The following MYO9B variants were observed in gnomAD, a reference collection of about 807,000 sequenced individuals.
MYO9B encodes myosin IXB.
A neutral mutation model predicts 229.5 loss-of-function variants in MYO9B; 71 were observed. That is an observed-to-expected ratio of 0.31 (90% CI 0.26 to 0.38). The LOEUF (loss-of-function observed/expected upper bound fraction) is 0.38. MYO9B is among the 10% of genes least tolerant of loss of function. The probability of loss-of-function intolerance (pLI) is 1.00; values close to 1 mark genes in which losing one functional copy is unlikely to be tolerated. For missense variants in MYO9B, 2,255 were observed against 2,920.5 expected (o/e 0.77, Z 5.25); for synonymous variants, 1,185 against 1,235.8 (o/e 0.96, Z 0.86).
chr19:17,157,245 G>T (rs1176608404), intron 7 of MYO9B: 2 of 558,874 alleles, frequency 3.6e-6, no homozygotes, highest in East Asian at 7.0e-5. Context: ...CCACCCTCAA[G>T]TGAAAGCCTC....
At chr19:17,103,437 T>G (rs1036375051) in intron 2 of MYO9B, 3 of 152,240 alleles carry the variant, frequency 2.0e-5, no homozygotes, top group African/African-American at 7.2e-5. Context: ...AACTTTATTG[T>G]GATTTTCATG....
At chr19:17,203,612 C>CAA (rs5827362) in intron 30 of MYO9B, among the ~76,000 whole-genome samples, 2 of 119,488 alleles carry the variant, frequency 1.7e-5, no homozygotes, top group African/African-American at 6.3e-5. Flanking sequence ...GACTCTGTCT[C>CAA]AAAAAAAAAA....
intron 2 of MYO9B, among the ~76,000 whole-genome samples, chr19:17,117,888 A>G (rs559193539): frequency 6.7e-6 from 1 of 149,620 alleles, no homozygotes; most frequent in East Asian, 2.0e-4. Context: ...CAGTGAGCCA[A>G]GATCATGCCA....
In MYO9B at chr19:17,102,342, G is replaced by A. The variant is rs750895121; in HGVS notation, c.625G>A (p.Gly209Ser). 4 of 1,613,912 alleles carry A rather than the reference G, an allele frequency of 2.5e-6. No individual in the cohort carries two copies. The East Asian group carries it at 8.9e-5, about 36-fold the overall frequency. The change falls in exon 2 of 40, where the codon GGC becomes AGC. Residue 209 changes from glycine (G) to serine (S), a missense_variant. By Grantham distance (56) the Gly-to-Ser change is moderately conservative. This residue lies in a region of MYO9B where 386 missense variants were observed against 515.2 expected (regional missense o/e 0.75). Coordinates refer to ENST00000682292, the MANE Select transcript of MYO9B (RefSeq NM_004145.4). The stretch of plus-strand genomic sequence containing the variant: ...GAAGATGTATGAGAACCAGCAGCTG[G>A]GCAAGCTGGAGCCACACGTCTTCGC... The part of the protein sequence containing the change: ...YVKMYENQQL[G>S]KLEPHVFALA...
Position 17,172,931 on chromosome 19 carries a change from G to A in MYO9B, c.2108G>A (p.Arg703His), listed in dbSNP as rs1237927711. The A allele has an allele frequency of 5.0e-6, 8 of 1,598,860 alleles. No homozygotes were observed. Among genetic ancestry groups the A allele is most frequent in the South Asian group, 3.3e-5 (3 of 91,052 alleles). ...ATGGCAGTGCTTCGGGAGGCCGGACGCCTGCGGGCCGAGAGGGCCGAAAAG... is the reference window on the plus strand; with the variant it reads ...ATGGCAGTGCTTCGGGAGGCCGGACACCTGCGGGCCGAGAGGGCCGAAAAG... ...RAMAVLREAG[R>H]LRAERAEKAA... Residue 703 changes from arginine to histidine, a missense_variant, in exon 13 of 40, where the codon CGC (arginine) becomes CAC (histidine). Physicochemically the swap from Arg to His is conservative, Grantham distance 29. This residue lies in a region of MYO9B where 155 missense variants were observed against 159.1 expected (regional missense o/e 0.97). Transcript: ENST00000682292. This position sits in a 1 kb window ranked among gnomAD's most constrained non-coding sequence, Gnocchi z 8.2.
intron 24 of MYO9B, 84 bp from the exon 25 acceptor site, chr19:17,200,209 G>A: frequency 6.7e-7 from 1 of 1,491,740 alleles, no homozygotes; most frequent in Non-Finnish European, 9.0e-7. Flanking sequence ...TAGAGCATTT[G>A]CCATGTGTCC....
intron 1 of MYO9B, among the ~76,000 whole-genome samples, chr19:17,091,637 C>G (rs578153225): frequency 6.6e-6 from 1 of 152,250 alleles, no homozygotes; most frequent in East Asian, 1.9e-4. Flanking sequence ...GCCCATGGTC[C>G]CACCTGTGGG....
chr19:17,113,971 T>A (rs1402120909), intron 2 of MYO9B, among the ~76,000 whole-genome samples: 2 of 152,090 alleles, frequency 1.3e-5, no homozygotes, highest in African/African-American at 4.8e-5. Flanking sequence ...GCCCTGTTGA[T>A]ATGTGGGCTG....
At position 17,193,266 on chromosome 19, in the gene MYO9B, G is replaced by A. The variant is rs1299887760; in HGVS notation, c.3128+204G>A. Among the ~76,000 whole-genome samples, 2 of 152,178 alleles carry A rather than the reference G, an allele frequency of 1.3e-5. No homozygotes were observed. The highest frequency in any genetic ancestry group is 3.8e-4 in the East Asian group (2 of 5,196). On this transcript the variant is annotated intron_variant, in intron 21 of 39. Transcript: ENST00000682292. The surrounding 1 kb of genome is among the most constrained non-coding windows in gnomAD (Gnocchi z 4.3). Reference sequence around the variant, plus strand: ...CCAAGGCTGGCAGGCAGCACTCAGGGACAAAGCCCTGCTTTGCCATTGGCT... The same window carrying A: ...CCAAGGCTGGCAGGCAGCACTCAGGAACAAAGCCCTGCTTTGCCATTGGCT...
intron 10 of MYO9B, 34 bp downstream of exon 10, chr19:17,163,156 C>A: frequency 6.5e-7 from 1 of 1,540,858 alleles, no homozygotes; most frequent in Non-Finnish European, 8.8e-7. Flanking sequence ...ATTTTTTGAA[C>A]TTGGTAAATC....
chr19:17,134,094 G>T (rs1479982194), intron 2 of MYO9B, among the ~76,000 whole-genome samples: 1 of 151,908 alleles, frequency 6.6e-6, no homozygotes, highest in Non-Finnish European at 1.5e-5. Context: ...TTTTTGGACT[G>T]GGGGTACATG....
intron 2 of MYO9B, among the ~76,000 whole-genome samples, chr19:17,105,644 G>A (rs1368518476): frequency 3.3e-5 from 5 of 152,248 alleles, no homozygotes; most frequent in African/African-American, 1.2e-4. Flanking sequence ...GGAGTTGGGG[G>A]CAGGGTCAGA....
intron 2 of MYO9B, among the ~76,000 whole-genome samples, chr19:17,126,656 CT>C (rs70950305): frequency 0.26 from 38,788 of 146,460 alleles, 5,308 homozygotes; most frequent in East Asian, 0.4. Context: ...GATCTTTTGA[CT>C]TTTTTTTTTC....
At chr19:17,127,252 C>G (rs1303574307) in intron 2 of MYO9B, among the ~76,000 whole-genome samples, 2 of 145,864 alleles carry the variant, frequency 1.4e-5, no homozygotes, top group Non-Finnish European at 3.0e-5. Context: ...GACCCACCCC[C>G]CTCGGCCTTC....
chr19:17,201,723 G>A (rs1041764132), intron 26 of MYO9B, among the ~76,000 whole-genome samples: 1 of 152,116 alleles, frequency 6.6e-6, no homozygotes, highest in Admixed American at 6.5e-5. Flanking sequence ...CCCCAATGTG[G>A]AGAGTAGTCC....
rs769318264 is a variant in MYO9B, at chr19:17,206,387, TGGC to T, written c.5386+14_5386+16del. On this transcript the variant is annotated intron_variant, in intron 33 of 39. Transcript: ENST00000682292. ...TCCTCCGAGCCGTCGGTGAGCCCCA[TGGC>T]GGTGCGGGTGGCAGCAGGTGGCCAC... The T allele has an allele frequency of 6.2e-7, 1 of 1,608,034 alleles. No homozygotes were observed. Among genetic ancestry groups the T allele is most frequent in the Non-Finnish European group, 8.5e-7 (1 of 1,178,968 alleles).
Position 17,138,570 on chromosome 19 carries a change from G to A in MYO9B, c.841-6827G>A, listed in dbSNP as rs184404939. On this transcript the variant is annotated intron_variant, in intron 2 of 39. Transcript: ENST00000682292. ...CTGAGATTACAGGCGTGACCACTGC[G>A]CCCAGCCACTCAGTTGCATTTTTAA... Among the ~76,000 whole-genome samples, 302 of 151,972 alleles carry A rather than the reference G, an allele frequency of 2.0e-3. 1 individual carries two copies. The highest frequency in any genetic ancestry group is 7.1e-3 in the African/African-American group (296 of 41,436).
intron 18 of MYO9B, among the ~76,000 whole-genome samples, chr19:17,187,339 A>C (rs552396259): frequency 2.8e-4 from 42 of 152,138 alleles, no homozygotes; most frequent in African/African-American, 9.2e-4. Flanking sequence ...TCCTGACCCC[A>C]GACCAAGCTC....
At chr19:17,144,986 A>G (rs1041405903) in intron 2 of MYO9B, among the ~76,000 whole-genome samples, 141 of 150,162 alleles carry the variant, frequency 9.4e-4, no homozygotes, top group African/African-American at 2.8e-3. Context: ...AAAAAAAAAA[A>G]AAAAAGAAAA....
Sources: allele counts gnomAD v4.1 joint callset (sites outside exome capture counted in the v4.1 genomes callset), GRCh38; gene constraint gnomAD v4.1.1; regional missense constraint gnomAD v4.1.1; non-coding constraint Gnocchi (gnomAD v3.1); transcripts MANE v1.5; gene names NCBI Gene and HGNC (gene_info 2026-07-23, HGNC 2026-07-21).